HS6ST3: variants seen among roughly 807,000 people sequenced by gnomAD.
HS6ST3 encodes heparan sulfate 6-O-sulfotransferase 3, also known as heparan-sulfate 6-O-sulfotransferase 3.
In HS6ST3, 12 loss-of-function variants were observed where a neutral mutation model predicts 36.7. The observed-to-expected ratio is 0.33, with a 90% CI of 0.21 to 0.53. The LOEUF (loss-of-function observed/expected upper bound fraction) is 0.53. Among genes scored for constraint, HS6ST3 ranks in the 20% least tolerant of loss-of-function variants. The probability of loss-of-function intolerance (pLI) is 0.95; values close to 1 mark genes in which losing one functional copy is unlikely to be tolerated. For missense variants in HS6ST3, 584 were observed against 640.9 expected (o/e 0.91, Z 0.96); for synonymous variants, 240 against 257.5 (o/e 0.93, Z 0.65).
chr13:96,490,870 C>A (rs2055941482), intron 1 of HS6ST3, among the ~76,000 whole-genome samples: 1 of 152,228 alleles, frequency 6.6e-6, no homozygotes, highest in Non-Finnish European at 1.5e-5. Flanking sequence ...GCATACTGTG[C>A]TACTTGCTGT....
intron 1 of HS6ST3, among the ~76,000 whole-genome samples, chr13:96,586,184 T>C (rs2056360648): frequency 6.6e-6 from 1 of 152,218 alleles, no homozygotes; most frequent in South Asian, 2.1e-4. Context: ...TTTGTCATTT[T>C]GATAATATAA....
At chr13:96,513,298 C>G (rs1217306374) in intron 1 of HS6ST3, among the ~76,000 whole-genome samples, 1 of 151,856 alleles carries the variant, frequency 6.6e-6, no homozygotes. Flanking sequence ...TCTAAAGATT[C>G]CAGCCTTTAT....
At chr13:96,355,202 A>T (rs1007923091) in intron 1 of HS6ST3, among the ~76,000 whole-genome samples, 2 of 152,310 alleles carry the variant, frequency 1.3e-5, no homozygotes, top group Middle Eastern at 6.8e-3. Flanking sequence ...GAAAGGACTC[A>T]TCACTCTCAG....
rs1231113811 is a variant in HS6ST3 at position 96,574,075 on chromosome 13, C to G, written c.708-258415C>G. ...CAGGGAGGGACAAGTGGCTTCATGG[C>G]TGCATTGGGACCTTCTCAGCCATGA... On this transcript the variant is annotated intron_variant, in intron 1 of 1. Transcript: ENST00000376705. 7.4e-6 allele frequency: 4 copies of G among 542,170 alleles called. No homozygotes were observed. The East Asian group carries it at 2.1e-4, about 28-fold the overall frequency. The allele number at this position is 542,170 out of a possible 1,614,324, so 33.6% of individuals were successfully genotyped here.
chr13:96,598,666 TC>T (rs1358882666), intron 1 of HS6ST3, among the ~76,000 whole-genome samples: 1 of 152,162 alleles, frequency 6.6e-6, no homozygotes, highest in African/African-American at 2.4e-5. Flanking sequence ...GTCCTTTATT[TC>T]TTTCTACTGC....
rs137985873 is a variant in HS6ST3 at position 96,175,184 on chromosome 13, G to A, written c.707+83615G>A. ...ATAAGATACATGCCAATGTTCTTAC[G>A]TTTGTGTAAATGTCTTTATTTTGCC... On this transcript the variant is annotated intron_variant, in intron 1 of 1. Coordinates refer to ENST00000376705, the MANE Select transcript of HS6ST3 (RefSeq NM_153456.4). Among the ~76,000 whole-genome samples the A allele has an allele frequency of 7.9e-5, 12 of 151,934 alleles. No homozygotes were observed. In the East Asian group the frequency reaches 1.4e-3, roughly 17 times the overall value.
rs1335468968 is a variant in HS6ST3 at position 96,241,143 on chromosome 13, T to TG, written c.707+149574_707+149575insG. Among the ~76,000 whole-genome samples, 6 of 151,140 alleles carry TG rather than the reference T, an allele frequency of 4.0e-5. No individual in the cohort carries two copies. In the East Asian group the frequency reaches 9.7e-4, roughly 24 times the overall value. ...TTTTTGCAAATCAGGTCCTTTCTGT[T>TG]TTTTTTTTCTTTTCCATAAAATGAA... On this transcript the variant is annotated intron_variant, in intron 1 of 1. Transcript: ENST00000376705.
At chr13:96,582,264 A>G (rs1208124597) in intron 1 of HS6ST3, among the ~76,000 whole-genome samples, 1 of 152,216 alleles carries the variant, frequency 6.6e-6, no homozygotes, top group Non-Finnish European at 1.5e-5. Flanking sequence ...CGTGAGAATG[A>G]CATAATGCTA....
At chr13:96,383,364 G>T (rs904619732) in intron 1 of HS6ST3, among the ~76,000 whole-genome samples, 37 of 152,142 alleles carry the variant, frequency 2.4e-4, no homozygotes, top group African/African-American at 8.7e-4. Context: ...TGAGGCAGGA[G>T]AATCTCTTGA....
chr13:96,681,976 G>A (rs2056720160), intron 1 of HS6ST3, among the ~76,000 whole-genome samples: 1 of 152,030 alleles, frequency 6.6e-6, no homozygotes, highest in South Asian at 2.1e-4. Flanking sequence ...AAAGTCATGG[G>A]TCTATTTTCA....
chr13:96,104,350 T>G (rs2053831408), intron 1 of HS6ST3, among the ~76,000 whole-genome samples: 1 of 152,218 alleles, frequency 6.6e-6, no homozygotes, highest in South Asian at 2.1e-4. Context: ...TATGACAGAT[T>G]TCCATGGCTT....
intron 1 of HS6ST3, among the ~76,000 whole-genome samples, chr13:96,614,451 G>C (rs1210270052): frequency 1.3e-5 from 2 of 152,036 alleles, no homozygotes; most frequent in African/African-American, 4.8e-5. Context: ...GTGAGTATTT[G>C]CAAGACCAAC....
intron 1 of HS6ST3, among the ~76,000 whole-genome samples, chr13:96,176,175 T>C (rs971684351): frequency 7.9e-5 from 12 of 152,086 alleles, no homozygotes; most frequent in Non-Finnish European, 1.8e-4. Flanking sequence ...ATAACTTTGC[T>C]CAACCAAAAA....
intron 1 of HS6ST3, among the ~76,000 whole-genome samples, chr13:96,507,069 C>G (rs995680135): frequency 1.3e-5 from 2 of 152,076 alleles, no homozygotes; most frequent in Non-Finnish European, 2.9e-5. Flanking sequence ...GGGAAACATA[C>G]ACAATGAATT....
At chr13:96,586,880 C>T (rs1329430176) in intron 1 of HS6ST3, among the ~76,000 whole-genome samples, 1 of 152,104 alleles carries the variant, frequency 6.6e-6, no homozygotes, top group Non-Finnish European at 1.5e-5. Context: ...ATTGCCCAGA[C>T]CAGTGTCATA....
chr13:96,366,561 G>C (rs1382267333), intron 1 of HS6ST3, among the ~76,000 whole-genome samples: 1 of 152,070 alleles, frequency 6.6e-6, no homozygotes, highest in Non-Finnish European at 1.5e-5. Context: ...GTCTAGGCTG[G>C]TGGTTCTCAA....
intron 1 of HS6ST3, among the ~76,000 whole-genome samples, chr13:96,568,483 T>C (rs930357770): frequency 1.3e-5 from 2 of 152,156 alleles, no homozygotes; most frequent in African/African-American, 4.8e-5. Flanking sequence ...GTCAGGCTGG[T>C]CCTGACCTCG....
chr13:96,628,025 C>T (rs1566415093), intron 1 of HS6ST3, among the ~76,000 whole-genome samples: 1 of 151,572 alleles, frequency 6.6e-6, no homozygotes, highest in Non-Finnish European at 1.5e-5. Flanking sequence ...TCTTTATTCT[C>T]TTTGTGAATG....
At chr13:96,774,879 G>A (rs1439846018) in intron 1 of HS6ST3, among the ~76,000 whole-genome samples, 2 of 152,062 alleles carry the variant, frequency 1.3e-5, no homozygotes, top group African/African-American at 4.8e-5. Context: ...ACACATAATT[G>A]TCAGATTCAC....
Sources: gnomAD v4.1 joint callset for allele counts (sites outside exome capture counted in the v4.1 genomes callset) on GRCh38, gnomAD v4.1.1 for gene constraint, MANE v1.5 for transcripts, NCBI Gene and HGNC (gene_info 2026-07-23, HGNC 2026-07-21) for gene names.